TTC7A: variants seen among roughly 807,000 people sequenced by gnomAD.
The protein encoded by TTC7A is tetratricopeptide repeat domain 7A.
TTC7A carries 110 observed loss-of-function variants against 103.7 expected under a neutral mutation model. That is an observed-to-expected ratio of 1.06 (90% CI 0.91 to 1.24). The LOEUF is 1.24. Among genes scored for constraint, TTC7A ranks in the 50% most tolerant of loss-of-function variants. The pLI is 0.00. For missense variants in TTC7A, 1,340 were observed against 1,116.3 expected, an observed-to-expected ratio of 1.20 and a Z score of -2.86; for synonymous variants, 521 against 467.9, an observed-to-expected ratio of 1.11 and a Z score of -1.47.
intron 18 of TTC7A, among the ~76,000 whole-genome samples, chr2:47,055,145 TC>T: frequency 6.6e-6 from 1 of 151,194 alleles, no homozygotes; most frequent in Non-Finnish European, 1.5e-5. Context: ...ACAATCAGCA[TC>T]CCCCCGCCAA....
chr2:46,922,708 G>A lies in TTC7A; in HGVS notation c.82+5431G>A, dbSNP rs763638678. ...TCTCTCACTCAACAACAAAAAACAC[G>A]GAAGACATCTCTACCAAAATGTGGG... On this transcript the variant is annotated intron_variant, in intron 2 of 20. Coordinates refer to the TTC7A transcript ENST00000409245. Among the ~76,000 whole-genome samples the A allele has an allele frequency of 5.3e-5, 8 of 152,120 alleles. No individual in the cohort carries two copies. In the East Asian group the frequency reaches 1.2e-3, roughly 22 times the overall value.
intron 19 of TTC7A, among the ~76,000 whole-genome samples, chr2:47,072,841 G>A (rs966533213): frequency 1.1e-4 from 16 of 152,150 alleles, no homozygotes; most frequent in South Asian, 4.1e-4. Context: ...TCACTACCCT[G>A]TCCACCCTAC....
chr2:47,018,111 T>A lies in TTC7A; in HGVS notation c.1393-3751T>A, dbSNP rs1428268937. ...GGCCAACATGGTGAAACCCCATCTCTACAAACAATACAAAAATTAGCCGGG... is the reference window on the plus strand; with the variant it reads ...GGCCAACATGGTGAAACCCCATCTCAACAAACAATACAAAAATTAGCCGGG... On this transcript the variant is annotated intron_variant, in intron 11 of 19. Coordinates refer to ENST00000319190, the MANE Select transcript of TTC7A (RefSeq NM_020458.4). Among the ~76,000 whole-genome samples the A allele has an allele frequency of 4.6e-5, 7 of 151,470 alleles. No homozygotes were observed. In the South Asian group the frequency reaches 1.3e-3, roughly 27 times the overall value.
intron 19 of TTC7A, among the ~76,000 whole-genome samples, chr2:47,072,648 C>T (rs535042603): frequency 2.6e-5 from 4 of 152,318 alleles, no homozygotes; most frequent in South Asian, 2.1e-4. Flanking sequence ...CCCACCCCCA[C>T]TGCGGCCCCC....
intron 2 of TTC7A, chr2:46,956,531 G>C (rs948996060): frequency 3.0e-6 from 1 of 337,260 alleles, no homozygotes; most frequent in East Asian, 5.3e-5. Context: ...GTCTTTGGGG[G>C]GATTCAGGAG....
In TTC7A at chr2:46,917,232, C is replaced by T. The variant is rs1307335108; in HGVS notation, c.37C>T (p.Gln13Ter). The T allele has an allele frequency of 2.6e-5, 18 of 696,412 alleles. No homozygotes were observed. The Admixed American group carries it at 3.5e-4, about 13-fold the overall frequency. 43.1% of individuals were successfully genotyped at this position (696,412 alleles called of 1,614,324 possible). ...CTCGTCTCGAACTCCTGGGTTCAAG[C>T]AATCCTCCCACCACCTCCGCCTCCC... is the stretch of plus-strand genomic sequence containing the variant. Residue 13 changes from glutamine (Q) to a stop codon, truncating the protein, a stop_gained, in exon 2 of 21, where the codon CAA (glutamine) becomes TAA (stop). Coordinates refer to the TTC7A transcript ENST00000409245. LOFTEE classifies it high-confidence loss of function.
At chr2:46,946,566 G>A (rs965281680) in intron 1 of TTC7A, among the ~76,000 whole-genome samples, 2 of 152,150 alleles carry the variant, frequency 1.3e-5, no homozygotes, top group African/African-American at 2.4e-5. Context: ...TGGGACTCTA[G>A]GCGTGTACCT....
intron 19 of TTC7A, among the ~76,000 whole-genome samples, chr2:47,066,314 AC>A (rs1402258188): frequency 1.3e-5 from 2 of 151,792 alleles, no homozygotes; most frequent in Admixed American, 6.6e-5. Context: ...CTCATCCCTC[AC>A]CCCAGGCTGT....
intron 5 of TTC7A, among the ~76,000 whole-genome samples, chr2:46,983,443 C>G (rs765743333): frequency 3.3e-5 from 5 of 152,228 alleles, no homozygotes; most frequent in African/African-American, 9.6e-5. Flanking sequence ...ACCACTCCCC[C>G]ACGGCTGCTG....
intron 15 of TTC7A, among the ~76,000 whole-genome samples, chr2:47,042,239 T>G (rs1224758864): frequency 6.6e-6 from 1 of 152,214 alleles, no homozygotes; most frequent in Non-Finnish European, 1.5e-5. Flanking sequence ...GTGTGGCTAA[T>G]GCCTGTAATC....
At chr2:47,033,139 C>T (rs1572973003) in intron 15 of TTC7A, among the ~76,000 whole-genome samples, 3 of 152,238 alleles carry the variant, frequency 2.0e-5, no homozygotes, top group South Asian at 4.1e-4. Context: ...ATTGACACTG[C>T]TCCCTGCTTC....
intron 8 of TTC7A, among the ~76,000 whole-genome samples, chr2:47,005,108 C>A (rs115086675): frequency 2.6e-5 from 4 of 152,208 alleles, no homozygotes; most frequent in African/African-American, 7.2e-5. Flanking sequence ...CTGAAATCCT[C>A]GGCGCTGGAC....
At chr2:46,990,790 G>C (rs144944650) in intron 5 of TTC7A, among the ~76,000 whole-genome samples, 10 of 152,288 alleles carry the variant, frequency 6.6e-5, no homozygotes, top group African/African-American at 2.2e-4. Context: ...CCGACTTCTT[G>C]AACTAGGAGA....
intron 18 of TTC7A, among the ~76,000 whole-genome samples, chr2:47,058,404 C>G (rs535412164): frequency 1.8e-4 from 28 of 152,340 alleles, no homozygotes; most frequent in Non-Finnish European, 2.8e-4. Context: ...ACCCCAGTGC[C>G]TGTGTTGCAG....
rs982151463 is a variant in TTC7A, at chr2:46,994,466, C to A, written c.953C>A (p.Ser318Tyr). 2 of 1,614,066 alleles carry A rather than the reference C, an allele frequency of 1.2e-6. No individual in the cohort carries two copies. Among genetic ancestry groups the A allele is most frequent in the South Asian group, 2.2e-5 (2 of 91,092 alleles). Reference protein sequence around the residue: ...LPEFMGKEESSFATQALRKPH... With the variant: ...LPEFMGKEESYFATQALRKPH... The stretch of plus-strand genomic sequence containing the variant: ...GAGTTCATGGGCAAGGAGGAGAGTT[C>A]TTTCGCCACTCAGGCCCTGCGGAAA... Residue 318 changes from serine to tyrosine, a missense_variant, in exon 7 of 20, where the codon TCT becomes TAT. By Grantham distance (144) the Ser-to-Tyr change is moderately radical. Transcript: ENST00000319190.
intron 2 of TTC7A, chr2:46,917,291 C>T (rs897934330): frequency 4.5e-6 from 3 of 661,042 alleles, no homozygotes; most frequent in Admixed American, 2.6e-5. Context: ...AGCCACCGCG[C>T]CGGGACAAAG....
intron 15 of TTC7A, among the ~76,000 whole-genome samples, chr2:47,045,197 CCAGGCAGCT>C (rs1383406924): frequency 6.6e-6 from 1 of 152,226 alleles, no homozygotes; most frequent in African/African-American, 2.4e-5. Flanking sequence ...CGCAGGCTGC[CCAGGCAGCT>C]GGTTGGGTGA....
At chr2:47,017,074 C>T (rs1406002697) in intron 11 of TTC7A, among the ~76,000 whole-genome samples, 1 of 151,872 alleles carries the variant, frequency 6.6e-6, no homozygotes, top group African/African-American at 2.4e-5. Flanking sequence ...GTGGCGGGCA[C>T]CTGTAATCCC....
chr2:47,013,526 G>A lies in TTC7A; in HGVS notation c.1392+2091G>A, dbSNP rs540946831. Among the ~76,000 whole-genome samples the A allele has an allele frequency of 1.2e-4, 19 of 152,300 alleles. 1 individual carries two copies. The highest frequency in any genetic ancestry group is 1.1e-3 in the Admixed American group (17 of 15,300). The stretch of plus-strand genomic sequence containing the variant: ...TACCCATCTCTGAGGGGGTGTAGCG[G>A]GGGAGGGCATCTGTGCCCCTCAAGG... On this transcript the variant is annotated intron_variant, in intron 11 of 19. Coordinates refer to ENST00000319190, the MANE Select transcript of TTC7A (RefSeq NM_020458.4).
Sources: allele counts gnomAD v4.1 joint callset (sites outside exome capture counted in the v4.1 genomes callset), GRCh38; gene constraint gnomAD v4.1.1; transcripts MANE v1.5; gene names NCBI Gene and HGNC (gene_info 2026-07-23, HGNC 2026-07-21).